SESN3: variants seen among roughly 807,000 people sequenced by gnomAD.
SESN3 encodes the protein sestrin-3.
SESN3 carries 21 observed loss-of-function variants against 55.3 expected under a neutral mutation model. That is an observed-to-expected ratio of 0.38 (90% CI 0.27 to 0.55). The LOEUF (loss-of-function observed/expected upper bound fraction) is 0.55. SESN3 is among the 20% of genes least tolerant of loss of function. SESN3 has a pLI of 0.76. For missense variants in SESN3, 408 were observed against 604.3 expected (o/e 0.68, Z 3.41); for synonymous variants, 181 against 203.1 (o/e 0.89, Z 0.93).
chr11:95,193,780 C>T (rs998295178), intron 1 of SESN3, among the ~76,000 whole-genome samples: 5 of 152,052 alleles, frequency 3.3e-5, no homozygotes, highest in African/African-American at 1.2e-4. Flanking sequence ...ACAGTCTACA[C>T]CATAAACTTT....
In SESN3 at chr11:95,171,976, C is replaced by G; in HGVS notation, c.*1279G>C. ...AAACCAGTTGTCCAAGGAGATTTTT[C>G]TGGGGAAGGGAATGCTTTGGCATTA... On this transcript the variant is annotated 3_prime_UTR_variant, in exon 10 of 10. Coordinates refer to ENST00000536441, the MANE Select transcript of SESN3 (RefSeq NM_144665.4). The G allele has an allele frequency of 6.6e-6, 1 of 152,070 alleles. No individual in the cohort carries two copies. The highest frequency in any genetic ancestry group is 1.5e-5 in the Non-Finnish European group (1 of 67,980). 9.4% of individuals were successfully genotyped at this position (152,070 alleles called of 1,614,324 possible). A position where few individuals can be genotyped will look rare whatever the true frequency, so the allele number is the denominator to read the frequency against.
At chr11:95,231,369 C>T, upstream of SESN3, 1 of 379,946 alleles carries the variant, frequency 2.6e-6, no homozygotes. Context: ...GCCGAGGAAG[C>T]CTTGAATCTC....
In SESN3 at chr11:95,169,608, C is replaced by A. The variant is rs1859812353; in HGVS notation, c.*3647G>T. The A allele has an allele frequency of 6.6e-6, 1 of 152,070 alleles. No homozygotes were observed. Among genetic ancestry groups the A allele is most frequent in the Non-Finnish European group, 1.5e-5 (1 of 67,998 alleles). 9.4% of individuals were successfully genotyped at this position (152,070 alleles called of 1,614,324 possible). A position where few individuals can be genotyped will look rare whatever the true frequency, so the allele number is the denominator to read the frequency against. ...GTGCAAATCATTTTTATAATATGCA[C>A]TGAAATTTATTTTTTCCATGAGGAA... On this transcript the variant is annotated 3_prime_UTR_variant, in exon 10 of 10. Coordinates refer to ENST00000536441, the MANE Select transcript of SESN3 (RefSeq NM_144665.4).
intron 4 of SESN3, among the ~76,000 whole-genome samples, chr11:95,186,111 G>C (rs1438858305): frequency 1.3e-5 from 2 of 151,750 alleles, no homozygotes; most frequent in African/African-American, 4.8e-5. Context: ...CTTTGTCCAA[G>C]AGTGAATTCC....
rs746445662 is a variant in SESN3 at position 95,230,823 on chromosome 11, T to C, written c.38A>G (p.Asn13Ser). The change falls in exon 1 of 10, where the codon AAC (asparagine) becomes AGC (serine). Residue 13 changes from asparagine (N) to serine (S), a missense_variant. Transcript: ENST00000536441. The surrounding 1 kb of genome is among the most constrained non-coding windows in gnomAD (Gnocchi z 4.6). ...CCGGCAGTTGGTACAGAGCAGGTAG[T>C]TGGCGGCGGCCGACGGGCTGCCGCC... is the stretch of plus-strand genomic sequence containing the variant. ...RGGGSPSAAA[N>S]YLLCTNCRKV... The C allele has an allele frequency of 2.5e-6, 4 of 1,590,460 alleles. No homozygotes were observed. In the Admixed American group the frequency reaches 6.9e-5, roughly 27 times the overall value.
rs547426358 is a variant in SESN3, at chr11:95,175,541, C to T, written c.1349G>A (p.Arg450His). The T allele has an allele frequency of 4.3e-6, 7 of 1,613,688 alleles. No homozygotes were observed. Among genetic ancestry groups the T allele is most frequent in the African/African-American group, 1.3e-5 (1 of 74,900 alleles). The change falls in exon 9 of 10, where the codon CGC becomes CAC. Residue 450 changes from arginine (R) to histidine (H), a missense_variant. By Grantham distance (29) the Arg-to-His change is conservative. This residue lies in a region of SESN3 where 121 missense variants were observed against 204.9 expected (regional missense o/e 0.59). Coordinates refer to ENST00000536441, the MANE Select transcript of SESN3 (RefSeq NM_144665.4). ...CTGCCGCCAGTAACTATCATACATG[C>T]GTTTTGTAGTTCTCTCAGGATAGCA... is the stretch of plus-strand genomic sequence containing the variant. ...VTCYPERTTK[R>H]MYDSYWRQFK... is the part of the protein sequence containing the mutation.
In SESN3 at chr11:95,167,475, C is replaced by CCCCATATATATATATATATATATAT. The variant is rs563322416; in HGVS notation, c.*5779_*5780insATATATATATATATATATATATGGG. 49 of 150,812 alleles carry CCCCATATATATATATATATATATAT rather than the reference C, an allele frequency of 3.2e-4. 1 individual carries two copies. Among genetic ancestry groups the CCCCATATATATATATATATATATAT allele is most frequent in the African/African-American group, 9.9e-4 (40 of 40,212 alleles). The allele number at this position is 150,812 out of a possible 1,614,324, so 9.3% of individuals were successfully genotyped here. ...TCAGATATTCATTCTGTTTCCCCCC[C>CCCCATATATATATATATATATATAT]ATATATATAATTTTTCATTCTGTAC... On this transcript the variant is annotated 3_prime_UTR_variant, in exon 10 of 10. Transcript: ENST00000536441.
chr11:95,209,412 G>T (rs1860608684), intron 1 of SESN3, among the ~76,000 whole-genome samples: 1 of 151,546 alleles, frequency 6.6e-6, no homozygotes, highest in African/African-American at 2.4e-5. Context: ...ATGCTGGAAA[G>T]GATGTGGAGA....
At chr11:95,187,641 G>A (rs774089575) in intron 4 of SESN3, among the ~76,000 whole-genome samples, 1 of 151,826 alleles carries the variant, frequency 6.6e-6, no homozygotes, top group Non-Finnish European at 1.5e-5. Flanking sequence ...TTGCTACCCT[G>A]AGAAAGATCT....
intron 2 of SESN3, among the ~76,000 whole-genome samples, 163 bp from the exon 3 acceptor site, chr11:95,191,764 G>A (rs1178732888): frequency 6.6e-6 from 1 of 151,932 alleles, no homozygotes; most frequent in African/African-American, 2.4e-5. Flanking sequence ...AAAAAAGAAA[G>A]CACCATTCAT....
rs551409234 is a variant in SESN3, at chr11:95,168,151, T to A, written c.*5104A>T. On this transcript the variant is annotated 3_prime_UTR_variant, in exon 10 of 10. Coordinates refer to ENST00000536441, the MANE Select transcript of SESN3 (RefSeq NM_144665.4). ...CATATGTCATTCTATTAGAAATGTGTTTCAAGGCCCAAACACCACCAATAA... is the reference window on the plus strand; with the variant it reads ...CATATGTCATTCTATTAGAAATGTGATTCAAGGCCCAAACACCACCAATAA... 5.9e-5 allele frequency: 9 copies of A among 152,252 alleles called. 1 individual carries two copies. In the East Asian group the frequency reaches 1.7e-3, roughly 29 times the overall value. 9.4% of individuals were successfully genotyped at this position (152,252 alleles called of 1,614,324 possible). A position where few individuals can be genotyped will look rare whatever the true frequency, so the allele number is the denominator to read the frequency against.
chr11:95,182,909 C>G lies in SESN3; in HGVS notation c.937+1511G>C, dbSNP rs140597842. Among the ~76,000 whole-genome samples, 517 of 152,164 alleles carry G rather than the reference C, an allele frequency of 3.4e-3. 3 individuals carry two copies. Among genetic ancestry groups the G allele is most frequent in the African/African-American group, 0.012 (495 of 41,498 alleles). ...GTCCTCCTGTGCCCCTCAGTCATTA[C>G]CTGACTTCCTCACACTCAACTGGGT... On this transcript the variant is annotated intron_variant, in intron 6 of 9. Transcript: ENST00000536441.
intron 1 of SESN3, among the ~76,000 whole-genome samples, chr11:95,227,243 G>A (rs2134273638): frequency 1.3e-5 from 2 of 149,646 alleles, no homozygotes; most frequent in Admixed American, 1.3e-4. Context: ...AGGCTGCAGT[G>A]CAGTGGCGTG....
At position 95,189,811 on chromosome 11, in the gene SESN3, G is replaced by T; in HGVS notation, c.493C>A (p.Arg165=). 6.2e-7 allele frequency: 1 copy of T among 1,610,444 alleles called. No individual in the cohort carries two copies. Among genetic ancestry groups the T allele is most frequent in the Non-Finnish European group, 8.5e-7 (1 of 1,178,126 alleles). ...LNEINKLLAH[R]PWLITKEHIQ... The stretch of plus-strand genomic sequence containing the variant: ...TGCTCTTTTGTGATCAGCCAAGGTC[G>T]ATGTGCTAGCAGCTTATTAATTTCA... The change falls in exon 4 of 10, where the codon CGA becomes AGA. Residue 165 remains arginine (R), a synonymous_variant. Transcript: ENST00000536441.
At chr11:95,221,265 C>G (rs1860853476) in intron 1 of SESN3, among the ~76,000 whole-genome samples, 1 of 151,894 alleles carries the variant, frequency 6.6e-6, no homozygotes, top group Admixed American at 6.6e-5. Flanking sequence ...GATGGCGCCA[C>G]TGCACTCCAG....
In SESN3 at chr11:95,184,568, C is replaced by G; in HGVS notation, c.789G>C (p.Glu263Asp). Residue 263 changes from glutamate (E) to aspartate (D), a missense_variant, in exon 6 of 10, where the codon GAG (glutamate) becomes GAC (aspartate). Transcript: ENST00000536441. ...GTCTTTTCATCCTTTCCATTAAGGC[C>G]TCTAGCTCACTTAGAGAATCCACAA... ...FGIVDSLSEL[E>D]ALMERMKRLQ... 6.2e-7 allele frequency: 1 copy of G among 1,613,066 alleles called. No individual in the cohort carries two copies. Among genetic ancestry groups the G allele is most frequent in the Non-Finnish European group, 8.5e-7 (1 of 1,179,586 alleles).
chr11:95,173,324 A>G lies in SESN3; in HGVS notation c.1410T>C (p.Leu470=). ...CAGCTTGCATTCGTGCTTCCATTAAAAGTAGATTGACATGAACCTAGAAGT... is the reference window on the plus strand; with the variant it reads ...CAGCTTGCATTCGTGCTTCCATTAAGAGTAGATTGACATGAACCTAGAAGT... ...KHSEKVHVNL[L]LMEARMQAEL... Residue 470 remains leucine (L), a synonymous_variant, in exon 10 of 10, where the codon CTT becomes CTC. Transcript: ENST00000536441. 1 of 1,596,352 alleles carries G rather than the reference A, an allele frequency of 6.3e-7. No individual in the cohort carries two copies. The highest frequency in any genetic ancestry group is 8.6e-7 in the Non-Finnish European group (1 of 1,165,274).
chr11:95,231,757 A>AT (rs1861075067), upstream of SESN3: 1 of 152,240 alleles, frequency 6.6e-6, no homozygotes, highest in East Asian at 1.9e-4. Context: ...AGAAGACTGC[A>AT]GTTATGTAGT....
At position 95,190,057 on chromosome 11, in the gene SESN3, T is replaced by A. The variant is rs188190772; in HGVS notation, c.343-96A>T. 442 of 869,106 alleles carry A rather than the reference T, an allele frequency of 5.1e-4. 1 individual carries two copies. The Middle Eastern group carries it at 0.012, about 24-fold the overall frequency. 53.8% of individuals were successfully genotyped at this position (869,106 alleles called of 1,614,324 possible). On this transcript the variant is annotated intron_variant, in intron 3 of 9. Coordinates refer to ENST00000536441, the MANE Select transcript of SESN3 (RefSeq NM_144665.4). ...AATAATTCAGATGGAGCTAATGATTTTTATAGCCAGTACCTCTTTTCTTAC... is the reference window on the plus strand; with the variant it reads ...AATAATTCAGATGGAGCTAATGATTATTATAGCCAGTACCTCTTTTCTTAC...
Sources: gnomAD v4.1 joint callset for allele counts (sites outside exome capture counted in the v4.1 genomes callset) on GRCh38, gnomAD v4.1.1 for gene constraint, gnomAD v4.1.1 regional missense constraint, Gnocchi (gnomAD v3.1) non-coding constraint, MANE v1.5 for transcripts, NCBI Gene and HGNC (gene_info 2026-07-23, HGNC 2026-07-21) for gene names.